Variants in ACADM observed in about 807,000 individuals in gnomAD.
ACADM encodes the protein acyl-CoA dehydrogenase medium chain.
ACADM carries 49 observed loss-of-function variants against 58.9 expected under a neutral mutation model. That is an observed-to-expected ratio of 0.83 (90% CI 0.66 to 1.06). ACADM has a LOEUF of 1.06. Among genes scored for constraint, ACADM ranks in the 50% least tolerant of loss-of-function variants. The pLI is 0.00. For missense variants in ACADM, 496 were observed against 507.0 expected (o/e 0.98, Z 0.21); for synonymous variants, 160 against 157.7 (o/e 1.01, Z -0.11).
At chr1:75,729,596 C>T (rs765081572) in intron 2 of ACADM, among the ~76,000 whole-genome samples, 10 of 151,598 alleles carry the variant, frequency 6.6e-5, no homozygotes, top group African/African-American at 1.2e-4. Context: ...CAGGATCAAG[C>T]GATTCTCCTG....
At chr1:75,744,619 CTG>C (rs1647784291) in intron 7 of ACADM, 10 of 1,107,994 alleles carry the variant, frequency 9.0e-6, no homozygotes, top group Admixed American at 1.7e-5. Flanking sequence ...ACTGAAGACA[CTG>C]TTGTTAATGA....
intron 1 of ACADM, among the ~76,000 whole-genome samples, chr1:75,727,580 A>G (rs1647075663): frequency 6.8e-6 from 1 of 146,640 alleles, no homozygotes; most frequent in Admixed American, 6.8e-5. Flanking sequence ...TTGCAAAACA[A>G]TAATATATGT....
chr1:75,728,675 C>CATCTAATG (rs1318926681), intron 2 of ACADM, among the ~76,000 whole-genome samples, 187 bp downstream of exon 2: 1 of 152,204 alleles, frequency 6.6e-6, no homozygotes, highest in Non-Finnish European at 1.5e-5. Flanking sequence ...CCTCAGTATA[C>CATCTAATG]TACACTGTAC....
chr1:75,745,512 C>T (rs898243383), intron 7 of ACADM: 9 of 279,346 alleles, frequency 3.2e-5, no homozygotes, highest in Non-Finnish European at 5.1e-5. Flanking sequence ...TAAATGTCCT[C>T]TTTGTCTTTC....
intron 5 of ACADM, 41 bp from the exon 6 acceptor site, chr1:75,734,750 T>TG: frequency 5.4e-6 from 8 of 1,471,284 alleles, no homozygotes; most frequent in Non-Finnish European, 7.6e-6. Flanking sequence ...ACATATCCAA[T>TG]AAAAATGACT....
chr1:75,762,539 C>T (rs1290416030), intron 11 of ACADM, among the ~76,000 whole-genome samples, 153 bp from the exon 12 acceptor site: 1 of 152,002 alleles, frequency 6.6e-6, no homozygotes, highest in Non-Finnish European at 1.5e-5. Flanking sequence ...TTCACAAAAT[C>T]AGGTTTTGGA....
chr1:75,752,019 G>T (rs1648234589), intron 10 of ACADM, among the ~76,000 whole-genome samples: 2 of 149,318 alleles, frequency 1.3e-5, no homozygotes, highest in African/African-American at 2.5e-5. Context: ...TTGAGACAGG[G>T]TCTTGGTTGC....
chr1:75,760,014 G>A (rs1374953971), intron 10 of ACADM, among the ~76,000 whole-genome samples: 1 of 151,486 alleles, frequency 6.6e-6, no homozygotes, highest in Non-Finnish European at 1.5e-5. Context: ...AATCACACCT[G>A]TAATCCTAGC....
chr1:75,730,837 CTCTA>C (rs1268115618), intron 2 of ACADM, among the ~76,000 whole-genome samples: 2 of 152,112 alleles, frequency 1.3e-5, no homozygotes, highest in African/African-American at 4.8e-5. Flanking sequence ...TTTCTCTACC[CTCTA>C]TCTACCTGCA....
chr1:75,729,473 G>C (rs1236193407), intron 2 of ACADM, among the ~76,000 whole-genome samples: 2 of 85,824 alleles, frequency 2.3e-5, no homozygotes, highest in Non-Finnish European at 4.5e-5. Flanking sequence ...TTTTTTTCCT[G>C]TGACTTCTAG....
At chr1:75,743,935 A>T in intron 7 of ACADM, 1 of 1,520,288 alleles carries the variant, frequency 6.6e-7, no homozygotes, top group Non-Finnish European at 9.1e-7. Flanking sequence ...AGATGCCGAC[A>T]TGAAGCCTAG....
chr1:75,736,385 A>C (rs1429026243), intron 6 of ACADM, among the ~76,000 whole-genome samples: 5 of 152,224 alleles, frequency 3.3e-5, no homozygotes, highest in Non-Finnish European at 7.3e-5. Flanking sequence ...TTTTTATTTC[A>C]GATACCTAAA....
At chr1:75,738,725 G>T (rs1013077285) in intron 6 of ACADM, among the ~76,000 whole-genome samples, 3 of 137,632 alleles carry the variant, frequency 2.2e-5, no homozygotes, top group Non-Finnish European at 3.1e-5. Flanking sequence ...GATTACAGGT[G>T]GGGGGCCACC....
intron 10 of ACADM, among the ~76,000 whole-genome samples, chr1:75,751,662 C>G (rs1648212480): frequency 6.6e-6 from 1 of 151,966 alleles, no homozygotes; most frequent in Non-Finnish European, 1.5e-5. Flanking sequence ...CCACACCCAG[C>G]AAATTTTGAT....
chr1:75,759,453 G>A (rs1410725848), intron 10 of ACADM, among the ~76,000 whole-genome samples: 1 of 152,114 alleles, frequency 6.6e-6, no homozygotes, highest in Non-Finnish European at 1.5e-5. Context: ...CCAGGGAACA[G>A]GAACATATTT....
At chr1:75,732,249 AGATT>A (rs1647160463) in intron 2 of ACADM, among the ~76,000 whole-genome samples, 1 of 152,090 alleles carries the variant, frequency 6.6e-6, no homozygotes, top group Admixed American at 6.5e-5. Flanking sequence ...CTATTTCGTT[AGATT>A]GATTCTTGTC....
chr1:75,747,959 A>T (rs916145239), intron 8 of ACADM, among the ~76,000 whole-genome samples: 3 of 152,164 alleles, frequency 2.0e-5, no homozygotes, highest in Non-Finnish European at 4.4e-5. Context: ...AAATAAAGGG[A>T]TGTTGGCTTC....
At chr1:75,725,020 C>T (rs569634302) in intron 1 of ACADM, among the ~76,000 whole-genome samples, 28 of 152,170 alleles carry the variant, frequency 1.8e-4, no homozygotes, top group African/African-American at 6.5e-4. Flanking sequence ...TCCGTATCCT[C>T]CCGTCAGGCG....
intron 7 of ACADM, chr1:75,744,523 C>T (rs901079799): frequency 3.3e-6 from 5 of 1,511,968 alleles, no homozygotes; most frequent in Admixed American, 3.3e-5. Context: ...CCTGACATCT[C>T]CCTCTGTGAC....
Sources: allele counts gnomAD v4.1 joint callset (sites outside exome capture counted in the v4.1 genomes callset), GRCh38; gene constraint gnomAD v4.1.1; transcripts MANE v1.5; gene names NCBI Gene and HGNC (gene_info 2026-07-23, HGNC 2026-07-21).